The following MBD5 variants were observed in gnomAD, a reference collection of about 807,000 sequenced individuals.
MBD5 encodes the protein methyl-CpG binding domain protein 5.
In MBD5, 13 loss-of-function variants were observed where a neutral mutation model predicts 117.3. The ratio of observed to expected loss-of-function variants is 0.11; its 90% CI spans 0.07 to 0.18. MBD5 has a LOEUF of 0.18. Among genes scored for constraint, MBD5 ranks in the 10% least tolerant of loss-of-function variants. The probability of loss-of-function intolerance (pLI) is 1.00; values close to 1 mark genes in which losing one functional copy is unlikely to be tolerated. For missense variants in MBD5, 1,879 were observed against 2,093.8 expected, an observed-to-expected ratio of 0.90 and a Z score of 2.00; for synonymous variants, 727 against 766.4, an observed-to-expected ratio of 0.95 and a Z score of 0.85.
intron 2 of MBD5, among the ~76,000 whole-genome samples, chr2:148,201,379 C>T (rs1021386044): frequency 6.6e-6 from 1 of 152,242 alleles, no homozygotes; most frequent in African/African-American, 2.4e-5. Context: ...CAGGGGTACC[C>T]ACGACCCTGA....
intron 2 of MBD5, among the ~76,000 whole-genome samples, chr2:148,229,587 G>C (rs999772376): frequency 6.6e-6 from 1 of 152,100 alleles, no homozygotes; most frequent in African/African-American, 2.4e-5. Context: ...TTAAGGGTTA[G>C]GTATTTATTA....
At chr2:148,292,970 GCA>G (rs746193762) in intron 3 of MBD5, among the ~76,000 whole-genome samples, 23 of 151,932 alleles carry the variant, frequency 1.5e-4, no homozygotes, top group Admixed American at 2.6e-4. Context: ...AATAAGCCAG[GCA>G]CAGAAAGACA....
rs775742332 is a variant in MBD5, at chr2:148,469,310, C to T, written c.1367C>T (p.Ser456Leu). ...ACTGGAATTGGAAGGATTGAGGCAT[C>T]GCCCCAAAGATCACGCTCATCTTCC... ...MGTGIGRIEASPQRSRSSSTS... is the reference protein window; with the variant it reads ...MGTGIGRIEALPQRSRSSSTS... Residue 456 changes from serine (S) to leucine (L), a missense_variant, in exon 8 of 14, where the codon TCG becomes TTG. Physicochemically the swap from Ser to Leu is moderately radical, Grantham distance 145. Around this residue, in one of 4 missense-constraint regions of MBD5, gnomAD observed 1,666 missense variants for 1,792.2 expected, o/e 0.93. Transcript: ENST00000642680. 1.4e-5 allele frequency: 23 copies of T among 1,613,688 alleles called. No homozygotes were observed. The highest frequency in any genetic ancestry group is 1.6e-4 in the Middle Eastern group (1 of 6,084).
chr2:148,489,368 CCTGT>C lies in MBD5; in HGVS notation c.3754-15_3754-12del, dbSNP rs754763559. Reference sequence around the variant, plus strand: ...ATTATTTCCCTTTCTCTCACTGCTTCCTGTCTATTTCTTCAAGGTGAGAATGCAG... The same window carrying C: ...ATTATTTCCCTTTCTCTCACTGCTTCCTATTTCTTCAAGGTGAGAATGCAG... On this transcript the variant is annotated splice_polypyrimidine_tract_variant and intron_variant, in intron 10 of 13. Transcript: ENST00000642680. The C allele has an allele frequency of 5.0e-6, 8 of 1,613,840 alleles. No homozygotes were observed. The highest frequency in any genetic ancestry group is 4.4e-5 in the South Asian group (4 of 91,066).
intron 3 of MBD5, among the ~76,000 whole-genome samples, chr2:148,278,564 T>A (rs963238471): frequency 4.4e-4 from 67 of 152,328 alleles, no homozygotes; most frequent in East Asian, 1.2e-3. Flanking sequence ...TCTTCATACT[T>A]TTTTTAATGC....
intron 1 of MBD5, among the ~76,000 whole-genome samples, chr2:148,123,141 C>A (rs1047331339): frequency 6.6e-6 from 1 of 152,128 alleles, no homozygotes; most frequent in African/African-American, 2.4e-5. Context: ...CATATGTGGG[C>A]ACACAATGAG....
At chr2:148,265,124 T>G (rs1484202041) in intron 3 of MBD5, 2 of 151,990 alleles carry the variant, frequency 1.3e-5, no homozygotes, top group Non-Finnish European at 2.9e-5. Context: ...GCCAGAGATT[T>G]CTCATTAAAT....
chr2:148,045,955 T>C (rs1035857111), intron 1 of MBD5, among the ~76,000 whole-genome samples: 6 of 150,982 alleles, frequency 4.0e-5, no homozygotes, highest in African/African-American at 1.5e-4. Flanking sequence ...TTGTTGTTAG[T>C]ATTGTCTTAA....
At chr2:148,180,219 G>C (rs996001203) in intron 2 of MBD5, among the ~76,000 whole-genome samples, 2 of 150,486 alleles carry the variant, frequency 1.3e-5, no homozygotes, top group African/African-American at 4.9e-5. Flanking sequence ...AGTTATATAT[G>C]GTGACTTGGT....
rs199930605 is a variant in MBD5, at chr2:148,333,680, GAA to G, written c.-679-8523_-679-8522del. Among the ~76,000 whole-genome samples the G allele has an allele frequency of 6.9e-3, 1,003 of 145,914 alleles. 9 individuals carry two copies. Among genetic ancestry groups the G allele is most frequent in the Non-Finnish European group, 9.3e-3 (616 of 66,178 alleles). ...AACATGGTGAAACCCTGTCTCTGCT[GAA>G]AAAAAAAAAATAAATAAATACAAAA... On this transcript the variant is annotated intron_variant, in intron 3 of 13. Transcript: ENST00000642680.
At chr2:148,313,112 G>C (rs1381141667) in intron 3 of MBD5, among the ~76,000 whole-genome samples, 1 of 152,184 alleles carries the variant, frequency 6.6e-6, no homozygotes, top group Non-Finnish European at 1.5e-5. Flanking sequence ...GTATCTCCCA[G>C]TCAGGAGGCA....
At chr2:148,495,479 C>A (rs1200533101) in intron 11 of MBD5, among the ~76,000 whole-genome samples, 1 of 152,120 alleles carries the variant, frequency 6.6e-6, no homozygotes, top group Non-Finnish European at 1.5e-5. Context: ...CATTGGTCTT[C>A]ATATATCATT....
At position 148,446,086 on chromosome 2, in the gene MBD5, T is replaced by C. The variant is rs1040838808; in HGVS notation, c.-556-12117T>C. Among the ~76,000 whole-genome samples, 48 of 151,126 alleles carry C rather than the reference T, an allele frequency of 3.2e-4. 1 individual carries two copies. Among genetic ancestry groups the C allele is most frequent in the Non-Finnish European group, 1.9e-4 (13 of 67,994 alleles). Reference sequence around the variant, plus strand: ...ATTTTCTCCCATTCTGTAGGTTGCCTGTTCACTCTGATGGTAGTTTCTTTT... The same window carrying C: ...ATTTTCTCCCATTCTGTAGGTTGCCCGTTCACTCTGATGGTAGTTTCTTTT... On this transcript the variant is annotated intron_variant, in intron 4 of 13. Transcript: ENST00000642680.
intron 8 of MBD5, among the ~76,000 whole-genome samples, chr2:148,475,237 C>T (rs746090436): frequency 6.6e-6 from 1 of 152,106 alleles, no homozygotes; most frequent in Non-Finnish European, 1.5e-5. Flanking sequence ...GTCCTCTGCA[C>T]TTGTTTTTTA....
At chr2:148,188,335 C>A (rs1354761238) in intron 2 of MBD5, among the ~76,000 whole-genome samples, 1 of 151,958 alleles carries the variant, frequency 6.6e-6, no homozygotes, top group African/African-American at 2.4e-5. Flanking sequence ...AGAGCAATCA[C>A]CAAAGATTTA....
rs1401855651 is a variant in MBD5 at position 148,516,830 on chromosome 2, T to C, written c.*3889T>C. The C allele has an allele frequency of 2.0e-5, 3 of 152,232 alleles. No individual in the cohort carries two copies. The highest frequency in any genetic ancestry group is 4.4e-5 in the Non-Finnish European group (3 of 68,046). The allele number at this position is 152,232 out of a possible 1,614,324, so 9.4% of individuals were successfully genotyped here. On this transcript the variant is annotated 3_prime_UTR_variant, in exon 14 of 14. Transcript: ENST00000642680. ...GACCTTTTATAAACCGGAAAAATGGTTGATTTAATAATTTGTTATGTAAAT... is the reference window on the plus strand; with the variant it reads ...GACCTTTTATAAACCGGAAAAATGGCTGATTTAATAATTTGTTATGTAAAT...
intron 4 of MBD5, among the ~76,000 whole-genome samples, chr2:148,362,224 TAAG>T (rs1703560732): frequency 6.6e-6 from 1 of 152,180 alleles, no homozygotes; most frequent in Non-Finnish European, 1.5e-5. Flanking sequence ...CGCAGCAAGC[TAAG>T]ATCCACTGGC....
chr2:148,513,563 C>G lies in MBD5; in HGVS notation c.*622C>G, dbSNP rs762199607. The G allele has an allele frequency of 6.5e-6, 1 of 153,008 alleles. No individual in the cohort carries two copies. The highest frequency in any genetic ancestry group is 1.5e-5 in the Non-Finnish European group (1 of 68,418). The allele number at this position is 153,008 out of a possible 1,614,324, so 9.5% of individuals were successfully genotyped here. On this transcript the variant is annotated 3_prime_UTR_variant, in exon 14 of 14. Coordinates refer to ENST00000642680, the MANE Select transcript of MBD5 (RefSeq NM_001378120.1). The stretch of plus-strand genomic sequence containing the variant: ...ACATACACTGCACACCACTGAGTGT[C>G]CATTTATATTGTCTGTTTGGAATGA...
intron 1 of MBD5, among the ~76,000 whole-genome samples, chr2:148,101,113 G>T (rs1696204851): frequency 6.6e-6 from 1 of 151,762 alleles, no homozygotes; most frequent in Non-Finnish European, 1.5e-5. Flanking sequence ...AAATTTTTTT[G>T]TGGCCCCATT....
Sources: gnomAD v4.1 joint callset for allele counts (sites outside exome capture counted in the v4.1 genomes callset) on GRCh38, gnomAD v4.1.1 for gene constraint, gnomAD v4.1.1 regional missense constraint, MANE v1.5 for transcripts, NCBI Gene and HGNC (gene_info 2026-07-23, HGNC 2026-07-21) for gene names.